The following TYW5 variants were observed in gnomAD, a reference collection of about 807,000 sequenced individuals.
TYW5 encodes the protein tRNA wybutosine-synthesizing protein 5.
Under a neutral mutation model 44.4 loss-of-function variants are expected in TYW5, and 36 were observed. That is an observed-to-expected ratio of 0.81 (90% CI 0.62 to 1.07). The LOEUF (loss-of-function observed/expected upper bound fraction) is 1.07. Ranked by LOEUF, TYW5 falls within the 50% of genes least tolerant of loss-of-function variation. The pLI, the probability that TYW5 is intolerant of heterozygous loss-of-function variation, is 0.00. For synonymous variants in TYW5, 121 were observed against 128.1 expected, an observed-to-expected ratio of 0.94 and a Z score of 0.37; for missense variants, 354 against 365.7, an observed-to-expected ratio of 0.97 and a Z score of 0.26.
chr2:199,931,054 G>A lies in TYW5; in HGVS notation c.*2013C>T, dbSNP rs1207645893. On this transcript the variant is annotated 3_prime_UTR_variant, in exon 8 of 8. Coordinates refer to ENST00000354611, the MANE Select transcript of TYW5 (RefSeq NM_001039693.3). ...AGACCCTAATATTAATTATGACCAG[G>A]GAAATAATTTTAAAACATCCCAAAG... 2 of 151,794 alleles carry A rather than the reference G, an allele frequency of 1.3e-5. No individual in the cohort carries two copies. The highest frequency in any genetic ancestry group is 2.9e-5 in the Non-Finnish European group (2 of 67,968). The allele number at this position is 151,794 out of a possible 1,614,324, so 9.4% of individuals were successfully genotyped here.
Position 199,935,922 on chromosome 2 carries a change from AAATCTTACCAGGAATGAAT to A in TYW5, c.681_691+8del. ...TAAATAGCACATTAGTGAGGTCTAG[AAATCTTACCAGGAATGAAT>A]AATACATCACCAGCTTCAAGGGAAC... is the stretch of plus-strand genomic sequence containing the variant. On this transcript the variant is annotated splice_donor_variant and splice_donor_5th_base_variant and coding_sequence_variant and intron_variant, in exon 7 of 8. Coordinates refer to ENST00000354611, the MANE Select transcript of TYW5 (RefSeq NM_001039693.3). LOFTEE classifies it high-confidence loss of function. 1 of 1,572,550 alleles carries A rather than the reference AAATCTTACCAGGAATGAAT, an allele frequency of 6.4e-7. No individual in the cohort carries two copies. The highest frequency in any genetic ancestry group is 8.7e-7 in the Non-Finnish European group (1 of 1,144,896).
chr2:199,954,424 G>C lies in TYW5; in HGVS notation c.78+969C>G, dbSNP rs532528297. Among the ~76,000 whole-genome samples, 7 of 151,908 alleles carry C rather than the reference G, an allele frequency of 4.6e-5. No individual in the cohort carries two copies. The South Asian group carries it at 8.3e-4, about 18-fold the overall frequency. On this transcript the variant is annotated intron_variant, in intron 1 of 7. Transcript: ENST00000354611. Reference sequence around the variant, plus strand: ...GCCCATCCGACTTTTGTAACACTCAGAATTGTAGTTTTGTTTGTTTGTTTG... The same window carrying C: ...GCCCATCCGACTTTTGTAACACTCACAATTGTAGTTTTGTTTGTTTGTTTG...
rs1474408903 is a variant in TYW5 at position 199,928,916 on chromosome 2, G to C, written c.*4151C>G. 6.6e-6 allele frequency among the ~76,000 whole-genome samples: 1 copy of C among 152,168 alleles called. No individual in the cohort carries two copies. Among genetic ancestry groups the C allele is most frequent in the Non-Finnish European group, 1.5e-5 (1 of 68,030 alleles). ...GACAATACAAAGTCCCAGCATGTTG[G>C]TATAGAAATGTTTAATACATTAAAT... On this transcript the variant is annotated 3_prime_UTR_variant, in exon 8 of 8. Transcript: ENST00000354611.
chr2:199,954,636 G>A (rs62180489), intron 1 of TYW5, among the ~76,000 whole-genome samples: 17,952 of 152,066 alleles, frequency 0.12, 1,493 homozygotes, highest in Middle Eastern at 0.2. Flanking sequence ...ATTTCTACTG[G>A]CTGGTCTTGA....
intron 5 of TYW5, among the ~76,000 whole-genome samples, chr2:199,938,009 C>T (rs2077434468): frequency 6.6e-6 from 1 of 151,990 alleles, no homozygotes; most frequent in South Asian, 2.1e-4. Context: ...TTTTAAAACG[C>T]TTATAGATGT....
At position 199,932,831 on chromosome 2, in the gene TYW5, T is replaced by C. The variant is rs2077390026; in HGVS notation, c.*236A>G. On this transcript the variant is annotated 3_prime_UTR_variant, in exon 8 of 8. Transcript: ENST00000354611. ...ATTGTGAATCAATATATTTTCTTAC[T>C]GTTTTTAAGTCATTTTAAGTTGGAC... 1 of 491,466 alleles carries C rather than the reference T, an allele frequency of 2.0e-6. No individual in the cohort carries two copies. The highest frequency in any genetic ancestry group is 3.8e-5 in the Admixed American group (1 of 26,188). 30.4% of individuals were successfully genotyped at this position (491,466 alleles called of 1,614,324 possible).
rs149421522 is a variant in TYW5 at position 199,936,691 on chromosome 2, T to G, written c.487-199A>C. Reference sequence around the variant, plus strand: ...TCAAGACATTTCTGCAGTACTGCCCTAAAATGGGAAGACTTGGCAAATTAG... The same window carrying G: ...TCAAGACATTTCTGCAGTACTGCCCGAAAATGGGAAGACTTGGCAAATTAG... On this transcript the variant is annotated intron_variant, in intron 5 of 7. Transcript: ENST00000354611. 3.3e-3 allele frequency among the ~76,000 whole-genome samples: 507 copies of G among 152,316 alleles called. 3 individuals are homozygous for G. Among genetic ancestry groups the G allele is most frequent in the Admixed American group, 5.1e-3 (78 of 15,296 alleles).
intron 4 of TYW5, 110 bp downstream of exon 4, chr2:199,939,979 G>T (rs1037771843): frequency 1.9e-6 from 2 of 1,031,046 alleles, no homozygotes; most frequent in Non-Finnish European, 3.0e-6. Context: ...AATGGAAAAG[G>T]ATAGAACAGG....
rs571182237 is a variant in TYW5 at position 199,929,433 on chromosome 2, T to C, written c.*3634A>G. Among the ~76,000 whole-genome samples the C allele has an allele frequency of 2.7e-4, 41 of 152,148 alleles. No homozygotes were observed. Among genetic ancestry groups the C allele is most frequent in the South Asian group, 6.2e-4 (3 of 4,832 alleles). ...AACAAGACTAAGGTAACACCAGAGA[T>C]GTGTGGGTGACTGCCAATCTATGTT... is the stretch of plus-strand genomic sequence containing the variant. On this transcript the variant is annotated 3_prime_UTR_variant, in exon 8 of 8. Transcript: ENST00000354611.
In TYW5 at chr2:199,955,407, G is replaced by T. The variant is rs764378011; in HGVS notation, c.64C>A (p.His22Asn). 1 of 1,613,778 alleles carries T rather than the reference G, an allele frequency of 6.2e-7. No homozygotes were observed. Among genetic ancestry groups the T allele is most frequent in the African/African-American group, 1.3e-5 (1 of 75,064 alleles). ...GAGGGCCTCACCTGTGGGTAGAGGT[G>T]CTGCATGAACTGCTCCCGAGAAACG... is the stretch of plus-strand genomic sequence containing the variant. ...EGVSREQFMQ[H>N]LYPQRKPLVL... Residue 22 changes from histidine (H) to asparagine (N), a missense_variant, in exon 1 of 8, where the codon CAC (histidine) becomes AAC (asparagine). His to Asn is a moderately conservative substitution (Grantham distance 68). Transcript: ENST00000354611.
intron 5 of TYW5, among the ~76,000 whole-genome samples, chr2:199,938,375 A>G (rs1031906922): frequency 2.6e-5 from 4 of 152,276 alleles, no homozygotes; most frequent in African/African-American, 7.2e-5. Flanking sequence ...ATCAAGATCA[A>G]TATTGTACAC....
At chr2:199,933,643 G>C (rs2077397698) in intron 7 of TYW5, among the ~76,000 whole-genome samples, 1 of 152,132 alleles carries the variant, frequency 6.6e-6, no homozygotes, top group African/African-American at 2.4e-5. Flanking sequence ...TGTGTTACTT[G>C]TTTATACTTC....
At chr2:199,954,469 T>C (rs1326658684) in intron 1 of TYW5, among the ~76,000 whole-genome samples, 2 of 152,070 alleles carry the variant, frequency 1.3e-5, no homozygotes, top group Non-Finnish European at 2.9e-5. Context: ...TTAGCTCTTG[T>C]TGCCCAGGCT....
rs899438076 is a variant in TYW5, at chr2:199,932,104, C to T, written c.*963G>A. 6.6e-6 allele frequency: 1 copy of T among 152,122 alleles called. No homozygotes were observed. Among genetic ancestry groups the T allele is most frequent in the Non-Finnish European group, 1.5e-5 (1 of 68,016 alleles). The allele number at this position is 152,122 out of a possible 1,614,324, so 9.4% of individuals were successfully genotyped here. A position where few individuals can be genotyped will look rare whatever the true frequency, so the allele number is the denominator to read the frequency against. ...CAAGAAAAGTCAAGATCAGATTAAACATTTGTTTTGCACTAATCACAAAAC... is the reference window on the plus strand; with the variant it reads ...CAAGAAAAGTCAAGATCAGATTAAATATTTGTTTTGCACTAATCACAAAAC... On this transcript the variant is annotated 3_prime_UTR_variant, in exon 8 of 8. Coordinates refer to ENST00000354611, the MANE Select transcript of TYW5 (RefSeq NM_001039693.3).
intron 3 of TYW5, chr2:199,942,918 C>T (rs1378989167): frequency 1.3e-5 from 2 of 149,660 alleles, no homozygotes; most frequent in East Asian, 2.0e-4. Context: ...AGTGCAATGG[C>T]GCAATCTAGC....
At chr2:199,955,071 G>A (rs281764) in intron 1 of TYW5, among the ~76,000 whole-genome samples, 105,661 of 152,072 alleles carry the variant, frequency 0.69, 37,154 homozygotes, top group South Asian at 0.83. Context: ...GGAGTGAAAA[G>A]TTGTGCCTTC....
intron 2 of TYW5, chr2:199,945,112 C>T (rs938837338): frequency 3.9e-5 from 6 of 152,082 alleles, no homozygotes; most frequent in Non-Finnish European, 7.4e-5. Context: ...CTTGGAGGAA[C>T]GCAGAAGCTA....
intron 6 of TYW5, 55 bp from the exon 7 acceptor site, chr2:199,936,102 A>G: frequency 9.6e-7 from 1 of 1,040,186 alleles, no homozygotes; most frequent in East Asian, 2.4e-5. Flanking sequence ...CATTTTAAAA[A>G]AAGTAATCAC....
intron 1 of TYW5, among the ~76,000 whole-genome samples, chr2:199,954,667 C>T (rs936022340): frequency 2.0e-5 from 3 of 152,126 alleles, no homozygotes; most frequent in African/African-American, 7.2e-5. Flanking sequence ...TCCGGTGATC[C>T]GTCCGCCTCG....
Sources: gnomAD v4.1 joint callset for allele counts (sites outside exome capture counted in the v4.1 genomes callset) on GRCh38, gnomAD v4.1.1 for gene constraint, MANE v1.5 for transcripts, NCBI Gene and HGNC (gene_info 2026-07-23, HGNC 2026-07-21) for gene names.